The following IPO9 variants were observed in gnomAD, a reference collection of about 807,000 sequenced individuals.
IPO9 encodes the protein importin 9.
IPO9 carries 28 observed loss-of-function variants against 128.6 expected under a neutral mutation model. The observed-to-expected ratio is 0.22, with a 90% confidence interval of 0.16 to 0.30. The LOEUF is 0.30. IPO9 is among the 10% of genes least tolerant of loss of function. IPO9 has a pLI of 1.00. For synonymous variants in IPO9, 455 were observed against 475.8 expected (o/e 0.96, Z 0.57); for missense variants, 935 against 1,293.9 (o/e 0.72, Z 4.26).
intron 11 of IPO9, among the ~76,000 whole-genome samples, chr1:201,857,878 C>CAAAACA (rs2102880491): frequency 6.6e-6 from 1 of 151,736 alleles, no homozygotes; most frequent in South Asian, 2.1e-4. Flanking sequence ...GCAAACCTAG[C>CAAAACA]AAAACAAAAC....
At chr1:201,856,921 A>G (rs1257688025) in intron 10 of IPO9, among the ~76,000 whole-genome samples, 175 bp from the exon 11 acceptor site, 1 of 152,174 alleles carries the variant, frequency 6.6e-6, no homozygotes, top group Non-Finnish European at 1.5e-5. Flanking sequence ...TCCTGGGCTC[A>G]AGCAGTCCTC....
chr1:201,875,253 C>G, intron 23 of IPO9, 25 bp downstream of exon 23: 7 of 1,587,884 alleles, frequency 4.4e-6, no homozygotes, highest in South Asian at 1.1e-5. Flanking sequence ...AGATATCTTG[C>G]AAATGACAAT....
chr1:201,863,078 C>T (rs1571551874), intron 13 of IPO9, among the ~76,000 whole-genome samples: 1 of 151,808 alleles, frequency 6.6e-6, no homozygotes, highest in South Asian at 2.1e-4. Flanking sequence ...GGGCCGGATG[C>T]GGTGGCTCAT....
chr1:201,845,031 G>T (rs200864077), intron 1 of IPO9, among the ~76,000 whole-genome samples: 9 of 151,262 alleles, frequency 5.9e-5, no homozygotes, highest in Admixed American at 2.0e-4. Flanking sequence ...TGGGAGGGGG[G>T]GGCGTACAGA....
In IPO9 at chr1:201,863,579, C is replaced by A; in HGVS notation, c.1600C>A (p.Arg534=). The part of the protein sequence containing the change: ...GLHETQPPSV[R]ISAVRAIWGY... ...TCACGAGACACAGCCCCCATCAGTT[C>A]GAATTTCTGCAGTGAGAGCCATCTG... The change falls in exon 14 of 24, where the codon CGA becomes AGA. Residue 534 remains arginine (R), a synonymous_variant. Transcript: ENST00000361565. 1.3e-6 allele frequency: 2 copies of A among 1,593,922 alleles called. No individual in the cohort carries two copies. The highest frequency in any genetic ancestry group is 1.3e-5 in the African/African-American group (1 of 74,742).
rs1437543113 is a variant in IPO9 at position 201,883,146 on chromosome 1, G to T, written c.*7092G>T. 6.7e-6 allele frequency: 1 copy of T among 149,596 alleles called. No individual in the cohort carries two copies. Among genetic ancestry groups the T allele is most frequent in the Non-Finnish European group, 1.5e-5 (1 of 67,788 alleles). The allele number at this position is 149,596 out of a possible 1,614,324, so 9.3% of individuals were successfully genotyped here. A position where few individuals can be genotyped will look rare whatever the true frequency, so the allele number is the denominator to read the frequency against. ...GTTAGCTGTGTGACATAAACTATCG[G>T]TGTATTAATTTGCTTTCACTAGATT... On this transcript the variant is annotated 3_prime_UTR_variant, in exon 24 of 24. Coordinates refer to ENST00000361565, the MANE Select transcript of IPO9 (RefSeq NM_018085.5).
intron 1 of IPO9, among the ~76,000 whole-genome samples, chr1:201,845,442 A>G (rs1168221646): frequency 6.6e-6 from 1 of 152,214 alleles, no homozygotes. Context: ...ACACCAATCC[A>G]TAGCTCCCTC....
In IPO9 at chr1:201,870,406, G is replaced by A. The variant is rs1173233837; in HGVS notation, c.2134-177G>A. ...GTAAAGGGGGAATTATGTAATGCAC[G>A]TCTATGTCTGTAACAGTAAATGTCT... On this transcript the variant is annotated intron_variant, in intron 17 of 23. Coordinates refer to ENST00000361565, the MANE Select transcript of IPO9 (RefSeq NM_018085.5). This position sits in a 1 kb window ranked among gnomAD's most constrained non-coding sequence, Gnocchi z 4.9. 6.6e-5 allele frequency among the ~76,000 whole-genome samples: 10 copies of A among 152,272 alleles called. No homozygotes were observed. The highest frequency in any genetic ancestry group is 1.3e-4 in the Non-Finnish European group (9 of 68,026).
At chr1:201,863,108 T>C (rs1370050153) in intron 13 of IPO9, among the ~76,000 whole-genome samples, 2 of 152,128 alleles carry the variant, frequency 1.3e-5, no homozygotes, top group South Asian at 2.1e-4. Flanking sequence ...CCCAGCACTT[T>C]GGGAGGCCGA....
intron 13 of IPO9, among the ~76,000 whole-genome samples, chr1:201,861,651 T>G (rs1024943712): frequency 6.6e-6 from 1 of 152,242 alleles, no homozygotes; most frequent in Admixed American, 6.5e-5. Context: ...GTAATTTGAC[T>G]GGCACAGTTT....
chr1:201,838,895 A>T (rs1679986865), intron 1 of IPO9, among the ~76,000 whole-genome samples: 1 of 151,958 alleles, frequency 6.6e-6, no homozygotes, highest in Non-Finnish European at 1.5e-5. Context: ...ATGCTTAGGA[A>T]ATGTGTAAGA....
Position 201,848,586 on chromosome 1 carries a change from T to C in IPO9, c.506T>C (p.Val169Ala). The C allele has an allele frequency of 6.2e-7, 1 of 1,613,810 alleles. No homozygotes were observed. The highest frequency in any genetic ancestry group is 8.5e-7 in the Non-Finnish European group (1 of 1,179,966). ...DLNAVHGAMR[V>A]LTEFTREVTD... is the part of the protein sequence containing the mutation. Reference sequence around the variant, plus strand: ...AATGCCGTCCATGGAGCCATGCGTGTGCTGACAGGTACCAGAAGCCCTTTT... The same window carrying C: ...AATGCCGTCCATGGAGCCATGCGTGCGCTGACAGGTACCAGAAGCCCTTTT... Residue 169 changes from valine to alanine, a missense_variant, in exon 4 of 24, where the codon GTG becomes GCG. Physicochemically the swap from Val to Ala is moderately conservative, Grantham distance 64. Coordinates refer to ENST00000361565, the MANE Select transcript of IPO9 (RefSeq NM_018085.5).
rs750824972 is a variant in IPO9 at position 201,870,886 on chromosome 1, C to G, written c.2409+28C>G. ...AAGAGAGCAGTGGGGAGTGGGCTTC[C>G]TACTCCCTGGCTGATAGAAATGAAA... On this transcript the variant is annotated intron_variant, in intron 18 of 23. Transcript: ENST00000361565. The surrounding 1 kb of genome is among the most constrained non-coding windows in gnomAD (Gnocchi z 4.9). 4.4e-6 allele frequency: 7 copies of G among 1,580,550 alleles called. No homozygotes were observed. The highest frequency in any genetic ancestry group is 2.7e-5 in the African/African-American group (2 of 73,582).
At chr1:201,869,535 G>A (rs919057277) in intron 16 of IPO9, 55 bp from the exon 17 acceptor site, 9 of 1,597,426 alleles carry the variant, frequency 5.6e-6, no homozygotes, top group African/African-American at 1.3e-5. Flanking sequence ...CTTGGTTGTT[G>A]GGCAACCCCC....
At chr1:201,871,772 G>C (rs921259340) in intron 19 of IPO9, among the ~76,000 whole-genome samples, 1 of 151,880 alleles carries the variant, frequency 6.6e-6, no homozygotes, top group Non-Finnish European at 1.5e-5. Flanking sequence ...CCTTTTCCCT[G>C]TCTTTCTTTA....
chr1:201,870,572 T>G lies in IPO9; in HGVS notation c.2134-11T>G. 6.2e-7 allele frequency: 1 copy of G among 1,606,578 alleles called. No individual in the cohort carries two copies. The highest frequency in any genetic ancestry group is 1.3e-5 in the African/African-American group (1 of 74,896). On this transcript the variant is annotated splice_polypyrimidine_tract_variant and intron_variant, in intron 17 of 23. Transcript: ENST00000361565. This position sits in a 1 kb window ranked among gnomAD's most constrained non-coding sequence, Gnocchi z 4.9. ...GATTACTAATCTTGCTTGCCACCCC[T>G]GTCTCCCCAGAATGGCGGAGAGTGC... is the stretch of plus-strand genomic sequence containing the variant.
At chr1:201,830,950 A>G (rs1679821960) in intron 1 of IPO9, among the ~76,000 whole-genome samples, 1 of 152,198 alleles carries the variant, frequency 6.6e-6, no homozygotes, top group Non-Finnish European at 1.5e-5. Context: ...CATCTGGGCA[A>G]AGTCAATTAT....
chr1:201,837,543 C>T (rs1269164290), intron 1 of IPO9, among the ~76,000 whole-genome samples: 1 of 152,142 alleles, frequency 6.6e-6, no homozygotes, highest in Non-Finnish European at 1.5e-5. Flanking sequence ...TCAGTGCTTT[C>T]ATTGGAAGGA....
intron 20 of IPO9, 114 bp from the exon 21 acceptor site, chr1:201,874,136 G>T: frequency 9.3e-7 from 1 of 1,074,766 alleles, no homozygotes; most frequent in East Asian, 2.4e-5. Context: ...GTCAGGTACA[G>T]TGAAAGTCTG....
Sources: gnomAD v4.1 joint callset for allele counts (sites outside exome capture counted in the v4.1 genomes callset) on GRCh38, gnomAD v4.1.1 for gene constraint, Gnocchi (gnomAD v3.1) non-coding constraint, MANE v1.5 for transcripts, NCBI Gene and HGNC (gene_info 2026-07-23, HGNC 2026-07-21) for gene names.